The following UMAD1 variants were observed in gnomAD, a reference collection of about 807,000 sequenced individuals.
The protein encoded by UMAD1 is UBAP1-MVB12-associated (UMA)-domain containing protein 1.
A neutral mutation model predicts 6.1 loss-of-function variants in UMAD1; 8 were observed. The ratio of observed to expected loss-of-function variants is 1.30; its 90% CI spans 0.76 to 2.35. The LOEUF (loss-of-function observed/expected upper bound fraction) is 2.35. Among genes scored for constraint, UMAD1 ranks in the 30% most tolerant of loss-of-function variants. The pLI, the probability that UMAD1 is intolerant of heterozygous loss-of-function variation, is 0.00. For missense variants in UMAD1, 130 were observed against 78.4 expected (o/e 1.66, Z -2.49); for synonymous variants, 56 against 31.4 (o/e 1.78, Z -2.61).
At chr7:7,745,192 G>T (rs76726166) in intron 2 of UMAD1, among the ~76,000 whole-genome samples, 2 of 152,092 alleles carry the variant, frequency 1.3e-5, no homozygotes, top group Non-Finnish European at 2.9e-5. Context: ...TGTTGTCTTC[G>T]CTGTGAGTAG....
At chr7:7,746,957 G>T (rs1016211017) in intron 2 of UMAD1, among the ~76,000 whole-genome samples, 2 of 51,574 alleles carry the variant, frequency 3.9e-5, no homozygotes, top group African/African-American at 4.3e-4. Context: ...GTGCATGTTT[G>T]TGTGTGTGTG....
At chr7:7,845,451 T>C (rs1357674356) in intron 3 of UMAD1, among the ~76,000 whole-genome samples, 1 of 152,094 alleles carries the variant, frequency 6.6e-6, no homozygotes, top group African/African-American at 2.4e-5. Flanking sequence ...TCACATAGCA[T>C]TTTAGTATAG....
chr7:7,854,782 G>A (rs1783983836), intron 3 of UMAD1, among the ~76,000 whole-genome samples: 1 of 152,126 alleles, frequency 6.6e-6, no homozygotes, highest in African/African-American at 2.4e-5. Flanking sequence ...CATTATTCCA[G>A]CATTAACCCA....
intron 3 of UMAD1, among the ~76,000 whole-genome samples, chr7:7,842,429 T>C (rs956905299): frequency 6.6e-6 from 1 of 152,150 alleles, no homozygotes; most frequent in Admixed American, 6.5e-5. Context: ...AAAACCTGAT[T>C]TGGCATTACC....
At chr7:7,703,403 G>C (rs1221060886) in intron 2 of UMAD1, among the ~76,000 whole-genome samples, 2 of 152,008 alleles carry the variant, frequency 1.3e-5, no homozygotes, top group African/African-American at 4.8e-5. Context: ...TAACTTTTTA[G>C]TATGAAGTAC....
At position 7,877,728 on chromosome 7, in the gene UMAD1, C is replaced by G. The variant is rs1008883982; in HGVS notation, c.*190C>G. 1 of 552,932 alleles carries G rather than the reference C, an allele frequency of 1.8e-6. No homozygotes were observed. Among genetic ancestry groups the G allele is most frequent in the Non-Finnish European group, 3.2e-6 (1 of 312,112 alleles). The allele number at this position is 552,932 out of a possible 1,614,324, so 34.3% of individuals were successfully genotyped here. ...TTTGTATACAAATTGAACTTAAGTT[C>G]TACTTCCTTTCTCCCATATAATAAA... On this transcript the variant is annotated 3_prime_UTR_variant, in exon 4 of 4. Transcript: ENST00000682710.
chr7:7,823,875 G>A (rs1783292598), intron 3 of UMAD1, among the ~76,000 whole-genome samples: 1 of 151,992 alleles, frequency 6.6e-6, no homozygotes, highest in Non-Finnish European at 1.5e-5. Flanking sequence ...AAAAGCTTCA[G>A]CTTCTCCTTC....
chr7:7,839,648 A>T (rs1004617082), intron 3 of UMAD1, among the ~76,000 whole-genome samples: 45 of 152,178 alleles, frequency 3.0e-4, no homozygotes, highest in African/African-American at 1.1e-3. Flanking sequence ...GAGGGGGAAA[A>T]GTCATAATAA....
chr7:7,803,381 G>A (rs1782840314), intron 3 of UMAD1, among the ~76,000 whole-genome samples: 2 of 152,130 alleles, frequency 1.3e-5, no homozygotes, highest in African/African-American at 2.4e-5. Context: ...AGGCTGAGGT[G>A]GGAGAATTGC....
chr7:7,772,599 T>C (rs538380279), intron 2 of UMAD1: 4 of 152,338 alleles, frequency 2.6e-5, no homozygotes, highest in Admixed American at 2.0e-4. Flanking sequence ...AAAAATTGGC[T>C]TTGAAAAATT....
intron 3 of UMAD1, among the ~76,000 whole-genome samples, chr7:7,829,693 A>G (rs553674534): frequency 6.6e-6 from 1 of 152,318 alleles, no homozygotes; most frequent in African/African-American, 2.4e-5. Context: ...TTACAAAACA[A>G]TTTTGTATAC....
At chr7:7,779,447 A>G (rs1313924605) in intron 2 of UMAD1, among the ~76,000 whole-genome samples, 1 of 151,810 alleles carries the variant, frequency 6.6e-6, no homozygotes. Flanking sequence ...CAACAAAAAA[A>G]GTTTCTACAG....
At position 7,877,888 on chromosome 7, in the gene UMAD1, G is replaced by C. The variant is rs1034339847; in HGVS notation, c.*350G>C. 9.8e-6 allele frequency: 2 copies of C among 204,758 alleles called. No individual in the cohort carries two copies. Among genetic ancestry groups the C allele is most frequent in the Non-Finnish European group, 2.0e-5 (2 of 100,908 alleles). 12.7% of individuals were successfully genotyped at this position (204,758 alleles called of 1,614,324 possible). ...GGCATTTTTCAGTCACTACAGCTCC[G>C]AAGTCTGAGCAAGAAGTGGGTGTGA... On this transcript the variant is annotated 3_prime_UTR_variant, in exon 4 of 4. Coordinates refer to ENST00000682710, the MANE Select transcript of UMAD1 (RefSeq NM_001302348.2).
intron 3 of UMAD1, among the ~76,000 whole-genome samples, chr7:7,834,816 A>C (rs894410656): frequency 6.6e-6 from 1 of 152,180 alleles, no homozygotes; most frequent in African/African-American, 2.4e-5. Context: ...GAAGAGATAC[A>C]CAATTAGTCC....
At chr7:7,766,038 C>A (rs1030933134) in intron 2 of UMAD1, among the ~76,000 whole-genome samples, 1 of 152,102 alleles carries the variant, frequency 6.6e-6, no homozygotes, top group Non-Finnish European at 1.5e-5. Flanking sequence ...GCCTTCTGGT[C>A]ATTTGTTTGG....
chr7:7,783,006 T>C (rs1782380059), intron 2 of UMAD1, among the ~76,000 whole-genome samples: 1 of 152,228 alleles, frequency 6.6e-6, no homozygotes, highest in Admixed American at 6.5e-5. Flanking sequence ...GCACTGGGAT[T>C]ACAGGCATGA....
chr7:7,680,639 A>G (rs1448501926), intron 2 of UMAD1, among the ~76,000 whole-genome samples: 3 of 152,048 alleles, frequency 2.0e-5, no homozygotes, highest in Non-Finnish European at 4.4e-5. Flanking sequence ...TAGTATGGAC[A>G]TTTTAACAAT....
At chr7:7,855,907 T>C (rs2115328188) in intron 3 of UMAD1, among the ~76,000 whole-genome samples, 2 of 152,258 alleles carry the variant, frequency 1.3e-5, no homozygotes, top group Non-Finnish European at 2.9e-5. Flanking sequence ...GTTCCACAGA[T>C]CTCTAGGGCA....
At position 7,840,188 on chromosome 7, in the gene UMAD1, G is replaced by A. The variant is rs1783651255; in HGVS notation, c.157-37093G>A. Among the ~76,000 whole-genome samples the A allele has an allele frequency of 2.0e-5, 3 of 152,124 alleles. No individual in the cohort carries two copies. In the South Asian group the frequency reaches 6.2e-4, roughly 32 times the overall value. On this transcript the variant is annotated intron_variant, in intron 3 of 3. Coordinates refer to ENST00000682710, the MANE Select transcript of UMAD1 (RefSeq NM_001302348.2). ...AGATTGTTAGGTAAATAGGGTTCTG[G>A]GGTTAGTGTAGTTGTTAGTGTCAGG...
Sources: gnomAD v4.1 joint callset for allele counts (sites outside exome capture counted in the v4.1 genomes callset) on GRCh38, gnomAD v4.1.1 for gene constraint, MANE v1.5 for transcripts, NCBI Gene and HGNC (gene_info 2026-07-23, HGNC 2026-07-21) for gene names.